The following DTNA variants were observed in gnomAD, a reference collection of about 807,000 sequenced individuals.
DTNA encodes dystrophin-related protein 3.
DTNA carries 43 observed loss-of-function variants against 100.7 expected under a neutral mutation model. That is an observed-to-expected ratio of 0.43 (90% CI 0.33 to 0.55). The LOEUF is 0.55. DTNA is among the 20% of genes least tolerant of loss of function. DTNA has a pLI of 0.04. For missense variants in DTNA, 798 were observed against 953.9 expected, an observed-to-expected ratio of 0.84 and a Z score of 2.15; for synonymous variants, 349 against 347.9, an observed-to-expected ratio of 1.00 and a Z score of -0.04.
intron 1 of DTNA, among the ~76,000 whole-genome samples, chr18:34,509,984 A>AAAGCAAAATAATCTAACTTCACTCACCC (rs2040871979): frequency 1.3e-5 from 2 of 152,038 alleles, no homozygotes; most frequent in Non-Finnish European, 2.9e-5. Context: ...AGTGGTTATA[A>AAAGCAAAATAATCTAACTTCACTCACCC]AAGCAAAATA....
At chr18:34,744,847 G>A (rs1056098576) in intron 1 of DTNA, among the ~76,000 whole-genome samples, 1 of 152,040 alleles carries the variant, frequency 6.6e-6, no homozygotes, top group African/African-American at 2.4e-5. Context: ...GGAAAAACAG[G>A]GCAGTTCCTT....
intron 14 of DTNA, among the ~76,000 whole-genome samples, chr18:34,849,198 T>G (rs1465880736): frequency 6.6e-6 from 1 of 152,082 alleles, no homozygotes; most frequent in Non-Finnish European, 1.5e-5. Context: ...GTATATGAAA[T>G]TTTAAGGGCC....
intron 1 of DTNA, among the ~76,000 whole-genome samples, chr18:34,508,895 TTTTCTG>T (rs2144827854): frequency 6.6e-6 from 1 of 152,278 alleles, no homozygotes; most frequent in African/African-American, 2.4e-5. Context: ...GAAAATGTCT[TTTTCTG>T]TGTGAGCTGA....
intron 16 of DTNA, among the ~76,000 whole-genome samples, chr18:34,862,001 G>A (rs1489523072): frequency 6.6e-6 from 1 of 151,902 alleles, no homozygotes; most frequent in Admixed American, 6.6e-5. Flanking sequence ...GTGTTTCTGT[G>A]GCCAAAGGGC....
intron 1 of DTNA, among the ~76,000 whole-genome samples, chr18:34,646,397 T>A (rs2059840928): frequency 2.6e-5 from 4 of 152,230 alleles, no homozygotes; most frequent in Admixed American, 2.6e-4. Flanking sequence ...ATTTTACATT[T>A]TATTGTGAAA....
intron 1 of DTNA, among the ~76,000 whole-genome samples, chr18:34,684,297 T>G: frequency 7.0e-6 from 1 of 142,350 alleles, no homozygotes; most frequent in East Asian, 1.9e-4. Flanking sequence ...ATCCCTCCCC[T>G]TGCCCCCCAT....
At chr18:34,854,594 G>A (rs1252382139) in intron 15 of DTNA, among the ~76,000 whole-genome samples, 1 of 152,166 alleles carries the variant, frequency 6.6e-6, no homozygotes, top group African/African-American at 2.4e-5. Context: ...CAGAGTTGAG[G>A]CCATTTTCTG....
Position 34,811,989 on chromosome 18 carries a change from G to A in DTNA, c.479G>A (p.Gly160Glu), listed in dbSNP as rs201550119. ...YIFSMISDSSGVMVYGRYDQF... is the reference protein window; with the variant it reads ...YIFSMISDSSEVMVYGRYDQF... ...TTCTCAATGATTTCTGACTCCAGTG[G>A]GGTGATGGTTTATGGACGATATGAC... is the stretch of plus-strand genomic sequence containing the variant. Residue 160 changes from glycine (G) to glutamate (E), a missense_variant, in exon 6 of 23, where the codon GGG becomes GAG. Coordinates refer to ENST00000444659, the MANE Select transcript of DTNA (RefSeq NM_001386795.1). The A allele has an allele frequency of 6.2e-7, 1 of 1,613,766 alleles. No homozygotes were observed. Among genetic ancestry groups the A allele is most frequent in the African/African-American group, 1.3e-5 (1 of 74,860 alleles).
In DTNA at chr18:34,556,674, T is replaced by C. The variant is rs543645421; in HGVS notation, c.-2+63160T>C. On this transcript the variant is annotated intron_variant, in intron 1 of 19. Coordinates refer to the DTNA transcript ENST00000283365. ...TGAAATTCTGGGTTGAAAATTCTTTTCTTTAAGAATGTTGAATATCGGCCC... is the reference window on the plus strand; with the variant it reads ...TGAAATTCTGGGTTGAAAATTCTTTCCTTTAAGAATGTTGAATATCGGCCC... Among the ~76,000 whole-genome samples, 45 of 151,914 alleles carry C rather than the reference T, an allele frequency of 3.0e-4. No homozygotes were observed. In the East Asian group the frequency reaches 8.3e-3, roughly 28 times the overall value.
chr18:34,747,550 A>AT (rs1366105169), intron 1 of DTNA, among the ~76,000 whole-genome samples: 1 of 152,064 alleles, frequency 6.6e-6, no homozygotes, highest in African/African-American at 2.4e-5. Context: ...ATGCCTTTGC[A>AT]TCCTCATAGC....
At chr18:34,775,732 A>G (rs1055791105) in intron 3 of DTNA, among the ~76,000 whole-genome samples, 2 of 151,966 alleles carry the variant, frequency 1.3e-5, no homozygotes, top group Non-Finnish European at 2.9e-5. Flanking sequence ...TCTTGAAAGT[A>G]TTTTTTTTCC....
At chr18:34,707,002 A>G (rs909725914), upstream of DTNA, among the ~76,000 whole-genome samples, 3 of 152,206 alleles carry the variant, frequency 2.0e-5, no homozygotes, top group African/African-American at 7.2e-5. Flanking sequence ...GTATGAAAAA[A>G]TAAATAATAA....
At chr18:34,564,883 TTAAGA>T (rs1226244903) in intron 1 of DTNA, among the ~76,000 whole-genome samples, 1 of 152,202 alleles carries the variant, frequency 6.6e-6, no homozygotes, top group Non-Finnish European at 1.5e-5. Context: ...TGCTGTAGAC[TTAAGA>T]TAAAGAATGG....
At chr18:34,532,698 C>T (rs2145542376) in intron 1 of DTNA, among the ~76,000 whole-genome samples, 1 of 152,008 alleles carries the variant, frequency 6.6e-6, no homozygotes, top group South Asian at 2.1e-4. Flanking sequence ...CACTTGGCTA[C>T]CTCCCTAGTG....
intron 4 of DTNA, among the ~76,000 whole-genome samples, chr18:34,796,660 A>C (rs940624967): frequency 5.9e-5 from 9 of 152,162 alleles, no homozygotes; most frequent in Admixed American, 5.9e-4. Context: ...AAGAACCTAG[A>C]CTCTGAAGAA....
intron 2 of DTNA, among the ~76,000 whole-genome samples, chr18:34,758,090 G>A (rs1343314378): frequency 6.6e-6 from 1 of 152,118 alleles, no homozygotes; most frequent in Non-Finnish European, 1.5e-5. Flanking sequence ...AAAAGAGAAA[G>A]GTAATATCAC....
chr18:34,887,097 C>T (rs537689429), intron 22 of DTNA, among the ~76,000 whole-genome samples: 19 of 152,164 alleles, frequency 1.2e-4, no homozygotes, highest in Admixed American at 3.3e-4. Flanking sequence ...AGAAGGTGGA[C>T]GCCAGAGACA....
intron 4 of DTNA, among the ~76,000 whole-genome samples, chr18:34,803,052 C>G (rs2095266209): frequency 6.6e-6 from 1 of 152,156 alleles, no homozygotes; most frequent in Admixed American, 6.5e-5. Flanking sequence ...CTGCTCACTC[C>G]TCAAACCGCA....
intron 1 of DTNA, among the ~76,000 whole-genome samples, chr18:34,677,509 C>T (rs1016694794): frequency 1.2e-4 from 18 of 152,126 alleles, no homozygotes; most frequent in African/African-American, 4.3e-4. Flanking sequence ...ATAAGTTTAT[C>T]TCACTTTATT....
Sources: gnomAD v4.1 joint callset for allele counts (sites outside exome capture counted in the v4.1 genomes callset) on GRCh38, gnomAD v4.1.1 for gene constraint, MANE v1.5 for transcripts, NCBI Gene and HGNC (gene_info 2026-07-23, HGNC 2026-07-21) for gene names.